Variants in NKAIN3 observed in about 807,000 individuals in gnomAD.
The protein encoded by NKAIN3 is sodium/potassium transporting ATPase interacting 3.
NKAIN3 carries 25 observed loss-of-function variants against 30.2 expected under a neutral mutation model. The ratio of observed to expected loss-of-function variants is 0.83; its 90% confidence interval spans 0.60 to 1.16. The LOEUF is 1.16. Ranked by LOEUF, NKAIN3 falls within the 50% of genes most tolerant of loss-of-function variation. The probability of loss-of-function intolerance (pLI) is 0.00; values close to 1 mark genes in which losing one functional copy is unlikely to be tolerated. For missense variants in NKAIN3, 225 were observed against 254.1 expected (o/e 0.89, Z 0.78); for synonymous variants, 91 against 89.6 (o/e 1.02, Z -0.09).
intron 1 of NKAIN3, among the ~76,000 whole-genome samples, chr8:62,288,792 T>C (rs2129399972): frequency 6.6e-6 from 1 of 152,332 alleles, no homozygotes; most frequent in South Asian, 2.1e-4. Context: ...GTATTTCTAG[T>C]TCTAGATCCT....
intron 4 of NKAIN3, among the ~76,000 whole-genome samples, chr8:62,845,285 T>TTATTTATATATATATATATATA (rs1819646789): frequency 1.5e-5 from 1 of 68,928 alleles, no homozygotes; most frequent in African/African-American, 4.9e-5. Flanking sequence ...GGATAGTAGA[T>TTATTTATATATATATATATATA]TATATATATA....
At chr8:62,823,106 G>C (rs1818902016) in intron 4 of NKAIN3, among the ~76,000 whole-genome samples, 1 of 152,144 alleles carries the variant, frequency 6.6e-6, no homozygotes, top group African/African-American at 2.4e-5. Flanking sequence ...GGTGAGTGGT[G>C]AGTGAATGTG....
chr8:62,841,454 C>T (rs189071850), intron 4 of NKAIN3, among the ~76,000 whole-genome samples: 3 of 152,144 alleles, frequency 2.0e-5, no homozygotes, highest in African/African-American at 7.2e-5. Context: ...ACAGTAACTC[C>T]ACATTCTCTC....
At chr8:62,553,144 A>G (rs1444763145) in intron 1 of NKAIN3, among the ~76,000 whole-genome samples, 1 of 151,986 alleles carries the variant, frequency 6.6e-6, no homozygotes, top group Non-Finnish European at 1.5e-5. Flanking sequence ...CACATTATTC[A>G]CCTACTTAAT....
chr8:62,292,041 A>G (rs1312033974), intron 1 of NKAIN3, among the ~76,000 whole-genome samples: 2 of 151,910 alleles, frequency 1.3e-5, no homozygotes, highest in Non-Finnish European at 2.9e-5. Flanking sequence ...CTGTTTTATC[A>G]GAGACTAGGA....
At chr8:62,800,048 G>A (rs1029462990) in intron 4 of NKAIN3, among the ~76,000 whole-genome samples, 6 of 152,052 alleles carry the variant, frequency 3.9e-5, no homozygotes, top group Non-Finnish European at 8.8e-5. Flanking sequence ...GGGACTTGGG[G>A]GAAAGACTGG....
At chr8:62,565,782 C>A (rs1489016815) in intron 1 of NKAIN3, among the ~76,000 whole-genome samples, 1 of 152,106 alleles carries the variant, frequency 6.6e-6, no homozygotes, top group Non-Finnish European at 1.5e-5. Flanking sequence ...CTGAACCGAA[C>A]CTACTGAGTG....
chr8:62,930,415 G>A (rs947473853), intron 5 of NKAIN3, among the ~76,000 whole-genome samples: 1 of 151,780 alleles, frequency 6.6e-6, no homozygotes, highest in African/African-American at 2.4e-5. Context: ...CACCATGCCC[G>A]GCTAATTTTT....
intron 3 of NKAIN3, among the ~76,000 whole-genome samples, chr8:62,733,111 C>T (rs1184844483): frequency 6.6e-6 from 1 of 152,012 alleles, no homozygotes; most frequent in Non-Finnish European, 1.5e-5. Context: ...AAACTTCACC[C>T]TAAACTTTTA....
At chr8:62,320,197 C>G (rs1814823656) in intron 1 of NKAIN3, among the ~76,000 whole-genome samples, 1 of 152,128 alleles carries the variant, frequency 6.6e-6, no homozygotes, top group East Asian at 1.9e-4. Flanking sequence ...AGATCTTCCT[C>G]CATCCCTTTA....
intron 4 of NKAIN3, chr8:62,863,162 C>T: frequency 6.6e-7 from 1 of 1,514,264 alleles, no homozygotes; most frequent in Non-Finnish European, 9.1e-7. Context: ...ATTTTCCTTT[C>T]GGCTTCTTGC....
intron 4 of NKAIN3, among the ~76,000 whole-genome samples, chr8:62,791,811 C>A (rs1218091660): frequency 6.6e-6 from 1 of 152,078 alleles, no homozygotes; most frequent in African/African-American, 2.4e-5. Flanking sequence ...CACTACCTTA[C>A]CAAAGGACCC....
chr8:62,500,492 A>AAG (rs1807410133), intron 1 of NKAIN3, among the ~76,000 whole-genome samples: 1 of 123,546 alleles, frequency 8.1e-6, no homozygotes, highest in African/African-American at 3.5e-5. Context: ...AAAGAAGAAA[A>AAG]GAAAGAAAGA....
Position 62,647,983 on chromosome 8 carries a change from G to T in NKAIN3, c.273+58189G>T, listed in dbSNP as rs371194663. ...GTGGGGTGGATTTAGAGGTAATATC[G>T]TCAAGGCCTATGAGAAACAGGATGT... On this transcript the variant is annotated intron_variant, in intron 3 of 6. Transcript: ENST00000623646. 3.3e-5 allele frequency among the ~76,000 whole-genome samples: 5 copies of T among 152,056 alleles called. No homozygotes were observed. In the East Asian group the frequency reaches 5.8e-4, roughly 18 times the overall value.
At chr8:62,417,119 C>T (rs1433526058) in intron 1 of NKAIN3, among the ~76,000 whole-genome samples, 1 of 151,898 alleles carries the variant, frequency 6.6e-6, no homozygotes, top group African/African-American at 2.4e-5. Context: ...TCTCCATCCT[C>T]CTGACTACCC....
At chr8:62,534,568 A>T (rs16929116) in intron 1 of NKAIN3, among the ~76,000 whole-genome samples, 6,729 of 152,240 alleles carry the variant, frequency 0.044, 498 homozygotes, top group African/African-American at 0.15. Context: ...CTTATTGAAA[A>T]CATAACACAG....
At chr8:62,508,629 G>A (rs1350690072) in intron 1 of NKAIN3, among the ~76,000 whole-genome samples, 1 of 152,126 alleles carries the variant, frequency 6.6e-6, no homozygotes, top group Admixed American at 6.6e-5. Flanking sequence ...GCTCCAAAGT[G>A]TTCTTCAAAG....
At chr8:62,459,024 G>A (rs1805905071) in intron 1 of NKAIN3, among the ~76,000 whole-genome samples, 1 of 148,924 alleles carries the variant, frequency 6.7e-6, no homozygotes, top group African/African-American at 2.5e-5. Flanking sequence ...CTTGTGACAG[G>A]AGAAAAAGGT....
At chr8:62,681,044 G>A (rs922982914) in intron 3 of NKAIN3, among the ~76,000 whole-genome samples, 1 of 152,144 alleles carries the variant, frequency 6.6e-6, no homozygotes, top group Non-Finnish European at 1.5e-5. Context: ...AGGGAGAACA[G>A]CAATTCTGGT....
Sources: gnomAD v4.1 joint callset for allele counts (sites outside exome capture counted in the v4.1 genomes callset) on GRCh38, gnomAD v4.1.1 for gene constraint, MANE v1.5 for transcripts, NCBI Gene and HGNC (gene_info 2026-07-23, HGNC 2026-07-21) for gene names.